SLC24A2: variants seen among roughly 807,000 people sequenced by gnomAD.
SLC24A2 encodes the protein solute carrier family 24 member 2, also known as sodium/potassium/calcium exchanger 2.
In SLC24A2, 36 loss-of-function variants were observed where a neutral mutation model predicts 62.0. The observed-to-expected ratio is 0.58, with a 90% CI of 0.44 to 0.77. The LOEUF is 0.77. Among genes scored for constraint, SLC24A2 ranks in the 30% least tolerant of loss-of-function variants. The pLI is 0.00. For missense variants in SLC24A2, 846 were observed against 817.9 expected (o/e 1.03, Z -0.42); for synonymous variants, 358 against 294.0 (o/e 1.22, Z -2.23).
intron 2 of SLC24A2, among the ~76,000 whole-genome samples, chr9:19,744,568 G>C (rs1035815340): frequency 2.0e-5 from 3 of 152,132 alleles, no homozygotes; most frequent in African/African-American, 7.2e-5. Context: ...GCCGCTACTT[G>C]GCTCCAACTG....
the SLC24A2 span, among the ~76,000 whole-genome samples, chr9:20,055,977 G>T: frequency 6.6e-6 from 1 of 152,288 alleles, no homozygotes; most frequent in Admixed American, 6.5e-5. Flanking sequence ...CTATGCTATG[G>T]TAGAAATAGA....
At chr9:19,762,002 T>C (rs987522291) in intron 2 of SLC24A2, among the ~76,000 whole-genome samples, 3 of 152,134 alleles carry the variant, frequency 2.0e-5, no homozygotes, top group African/African-American at 7.2e-5. Context: ...TACCCAGTAA[T>C]GGGATGGCTG....
At chr9:19,829,303 C>T in the SLC24A2 span, among the ~76,000 whole-genome samples, 2 of 152,068 alleles carry the variant, frequency 1.3e-5, no homozygotes, top group Non-Finnish European at 2.9e-5. Context: ...TTTGGAGCAC[C>T]GGTGTGGTTG....
chr9:19,542,069 C>G (rs1834293326), intron 8 of SLC24A2, among the ~76,000 whole-genome samples: 1 of 152,166 alleles, frequency 6.6e-6, no homozygotes, highest in Non-Finnish European at 1.5e-5. Context: ...TCGGCTCGCG[C>G]ACGGTGCACG....
At chr9:19,990,594 A>T in the SLC24A2 span, among the ~76,000 whole-genome samples, 13 of 148,944 alleles carry the variant, frequency 8.7e-5, no homozygotes. Context: ...CTGGCGACAG[A>T]GCAAGACTCC....
the SLC24A2 span, chr9:19,930,015 A>G: frequency 6.6e-6 from 1 of 152,262 alleles, no homozygotes; most frequent in African/African-American, 2.4e-5. Flanking sequence ...TTATTACAAA[A>G]AGTCAAAATT....
the SLC24A2 span, among the ~76,000 whole-genome samples, chr9:20,261,112 G>T: frequency 6.6e-6 from 1 of 151,692 alleles, no homozygotes; most frequent in Admixed American, 6.6e-5. Flanking sequence ...CCTCAGCCCG[G>T]GCAGTAAAGT....
the SLC24A2 span, among the ~76,000 whole-genome samples, chr9:19,855,773 T>C: frequency 6.6e-5 from 10 of 152,210 alleles, no homozygotes; most frequent in Admixed American, 6.5e-4. Flanking sequence ...TTGGGGTTGA[T>C]CTTCTCATGG....
At chr9:19,858,018 C>A in the SLC24A2 span, among the ~76,000 whole-genome samples, 1 of 152,132 alleles carries the variant, frequency 6.6e-6, no homozygotes, top group Non-Finnish European at 1.5e-5. Context: ...AAAATTCATG[C>A]AGAACCAAAA....
chr9:20,114,313 G>A, the SLC24A2 span, among the ~76,000 whole-genome samples: 1 of 152,244 alleles, frequency 6.6e-6, no homozygotes, highest in Middle Eastern at 3.4e-3. Context: ...CCTCTACCAT[G>A]TGGAAAAACC....
At chr9:19,867,572 C>T in the SLC24A2 span, among the ~76,000 whole-genome samples, 1 of 152,060 alleles carries the variant, frequency 6.6e-6, no homozygotes, top group African/African-American at 2.4e-5. Flanking sequence ...TTCCTCTTAT[C>T]TTGGTCAGTC....
At chr9:19,900,836 T>A in the SLC24A2 span, among the ~76,000 whole-genome samples, 1 of 152,302 alleles carries the variant, frequency 6.6e-6, no homozygotes, top group Non-Finnish European at 1.5e-5. Flanking sequence ...TTGGGAAATA[T>A]GCTCTTCATC....
chr9:20,237,776 T>G, the SLC24A2 span, among the ~76,000 whole-genome samples: 3 of 152,194 alleles, frequency 2.0e-5, no homozygotes, highest in African/African-American at 7.2e-5. Context: ...GTGGGTTTCT[T>G]AGCCCTATCT....
chr9:19,548,933 G>A (rs1405498205), intron 8 of SLC24A2, among the ~76,000 whole-genome samples: 1 of 152,162 alleles, frequency 6.6e-6, no homozygotes, highest in Non-Finnish European at 1.5e-5. Flanking sequence ...CAGTTTTGTT[G>A]AATGAGTTTG....
chr9:19,634,281 CTTTTTTTTTTTT>C (rs35884916), intron 2 of SLC24A2, among the ~76,000 whole-genome samples: 10 of 79,298 alleles, frequency 1.3e-4, no homozygotes, highest in African/African-American at 4.8e-4. Context: ...ACTGCAGCCT[CTTTTTTTTTTTT>C]TTTTTTTTTT....
the SLC24A2 span, among the ~76,000 whole-genome samples, chr9:20,084,628 C>T: frequency 6.6e-6 from 1 of 152,030 alleles, no homozygotes; most frequent in African/African-American, 2.4e-5. Flanking sequence ...GTAACAAGAC[C>T]TCATTCATTG....
At chr9:19,934,813 C>A in the SLC24A2 span, among the ~76,000 whole-genome samples, 9 of 152,064 alleles carry the variant, frequency 5.9e-5, no homozygotes, top group African/African-American at 2.2e-4. This position sits in a 1 kb window ranked among gnomAD's most constrained non-coding sequence, Gnocchi z 4.1. Context: ...GCGGGGAGGG[C>A]AAGCGTGGCG....
the SLC24A2 span, among the ~76,000 whole-genome samples, chr9:19,852,484 G>A: frequency 9.2e-5 from 14 of 152,052 alleles, no homozygotes; most frequent in Non-Finnish European, 1.8e-4. Context: ...TCCATCTTGA[G>A]TTATTTTTTA....
At chr9:19,904,784 C>T in the SLC24A2 span, among the ~76,000 whole-genome samples, 4 of 152,144 alleles carry the variant, frequency 2.6e-5, no homozygotes, top group African/African-American at 9.7e-5. Context: ...TGGATCCACA[C>T]TTCTTTTTGC....
Sources: allele counts gnomAD v4.1 joint callset (sites outside exome capture counted in the v4.1 genomes callset), GRCh38; gene constraint gnomAD v4.1.1; non-coding constraint Gnocchi (gnomAD v3.1); transcripts MANE v1.5; gene names NCBI Gene and HGNC (gene_info 2026-07-23, HGNC 2026-07-21).